Variants in DMD observed in about 807,000 individuals in gnomAD.
DMD encodes dystrophin.
DMD carries 63 observed loss-of-function variants against 330.1 expected under a neutral mutation model. The ratio of observed to expected loss-of-function variants is 0.19; its 90% CI spans 0.16 to 0.24. DMD has a LOEUF of 0.24. Among genes scored for constraint, DMD ranks in the 10% least tolerant of loss-of-function variants. The pLI, the probability that DMD is intolerant of heterozygous loss-of-function variation, is 1.00. For synonymous variants in DMD, 1,223 were observed against 959.8 expected (o/e 1.27, Z -5.07); for missense variants, 3,344 against 2,684.1 (o/e 1.25, Z -5.43).
chrX:32,846,021 T>A (rs1053423258), intron 3 of DMD, among the ~76,000 whole-genome samples: 1 of 111,974 alleles, frequency 8.9e-6, no homozygotes, highest in African/African-American at 3.2e-5. Context: ...ATTGTTCATA[T>A]TGCTCAAACC....
At position 32,213,655 on chromosome X, in the gene DMD, T is replaced by C. The variant is rs1174820141; in HGVS notation, c.6438+3261A>G. Among the ~76,000 whole-genome samples, 4 of 111,984 alleles carry C rather than the reference T, an allele frequency of 3.6e-5. No individual in the cohort carries two copies. In the East Asian group the frequency reaches 8.4e-4, roughly 24 times the overall value. On this transcript the variant is annotated intron_variant, in intron 44 of 78. Coordinates refer to ENST00000357033, the MANE Select transcript of DMD (RefSeq NM_004006.3). ...ATCTCATCTATAGATTGAGAAAAAA[T>C]AGACTAAATAAAATGGTCTTTTTAA...
At chrX:31,685,655 C>T (rs2082644156) in intron 52 of DMD, among the ~76,000 whole-genome samples, 1 of 112,435 alleles carries the variant, frequency 8.9e-6, no homozygotes, top group South Asian at 3.7e-4. Context: ...CGTTGGCACT[C>T]ATCCTTCAAG....
At chrX:32,760,956 T>C (rs2072202729) in intron 7 of DMD, among the ~76,000 whole-genome samples, 1 of 111,408 alleles carries the variant, frequency 9.0e-6, no homozygotes, top group African/African-American at 3.3e-5. Context: ...TGGAATGCTA[T>C]TCTTCCCTAT....
At chrX:31,169,149 T>G (rs2148179102) in intron 74 of DMD, among the ~76,000 whole-genome samples, 1 of 111,316 alleles carries the variant, frequency 9.0e-6, no homozygotes. Context: ...TTAAATTCTA[T>G]TCTGAAATAT....
chrX:31,238,270 T>G lies in DMD; in HGVS notation c.9287-15149A>C, dbSNP rs2047929083. On this transcript the variant is annotated intron_variant, in intron 63 of 78. Transcript: ENST00000357033. ...GCAGACAGGGCTCATTCCCCCTTTC[T>G]CTGCCTCTCTGTTTCTCTCACTTCT... Among the ~76,000 whole-genome samples the G allele has an allele frequency of 2.7e-5, 3 of 111,436 alleles. No homozygotes were observed. The South Asian group carries it at 1.2e-3, about 43-fold the overall frequency.
chrX:31,702,146 C>T (rs1353482216), intron 52 of DMD, among the ~76,000 whole-genome samples: 2 of 111,677 alleles, frequency 1.8e-5, no homozygotes, highest in Non-Finnish European at 3.8e-5. Flanking sequence ...TTTGGCCACT[C>T]CTCACTCTCT....
intron 44 of DMD, among the ~76,000 whole-genome samples, chrX:32,201,669 A>G (rs2097039494): frequency 9.0e-6 from 1 of 111,611 alleles, no homozygotes; most frequent in African/African-American, 3.3e-5. Context: ...AAAATGCTGA[A>G]GGGAACTTTC....
chrX:32,677,035 T>C (rs1351844807), intron 9 of DMD, among the ~76,000 whole-genome samples: 3 of 111,678 alleles, frequency 2.7e-5, no homozygotes, highest in Non-Finnish European at 5.7e-5. Context: ...TTAAATTACA[T>C]GTTTTATTTA....
Position 31,802,157 on chromosome X carries a change from G to T in DMD, c.7309+17818C>A, listed in dbSNP as rs140060036. On this transcript the variant is annotated intron_variant, in intron 50 of 78. Transcript: ENST00000357033. ...AGGGTCACACTATACAAGATCCTGT[G>T]GGATATCATTTCTTTTTTTGAAATT... is the stretch of plus-strand genomic sequence containing the variant. Among the ~76,000 whole-genome samples, 395 of 102,448 alleles carry T rather than the reference G, an allele frequency of 3.9e-3. 1 individual carries two copies. The highest frequency in any genetic ancestry group is 0.013 in the African/African-American group (363 of 28,737). The allele number at this position is 102,448 out of a possible 115,157, so 89.0% of individuals were successfully genotyped here. A position where few individuals can be genotyped will look rare whatever the true frequency, so the allele number is the denominator to read the frequency against.
intron 13 of DMD, among the ~76,000 whole-genome samples, chrX:32,591,588 C>CT (rs2054913769): frequency 8.9e-6 from 1 of 112,489 alleles, no homozygotes; most frequent in South Asian, 3.7e-4. Context: ...ACCAATCTCA[C>CT]TTATGATGGC....
intron 62 of DMD, among the ~76,000 whole-genome samples, chrX:31,310,492 T>C (rs747308124): frequency 2.0e-4 from 22 of 110,282 alleles, no homozygotes; most frequent in Admixed American, 1.8e-3. Context: ...TGTATTTACA[T>C]ATTAACACAG....
chrX:32,742,237 A>C (rs2069377961), intron 7 of DMD, among the ~76,000 whole-genome samples: 1 of 112,049 alleles, frequency 8.9e-6, no homozygotes, highest in Non-Finnish European at 1.9e-5. Flanking sequence ...AATCCAACTA[A>C]TATGTCTTTT....
chrX:32,034,045 T>A (rs6631466), intron 44 of DMD, among the ~76,000 whole-genome samples: 36,742 of 110,521 alleles, frequency 0.33, 4,890 homozygotes, highest in African/African-American at 0.5. Flanking sequence ...TGGGATGCTC[T>A]CCGAAGGCAT....
chrX:32,185,774 A>G (rs1041876417), intron 44 of DMD, among the ~76,000 whole-genome samples: 3 of 110,737 alleles, frequency 2.7e-5, no homozygotes, highest in African/African-American at 9.9e-5. Flanking sequence ...ACATCCAAAA[A>G]GTGTATAGCA....
intron 30 of DMD, among the ~76,000 whole-genome samples, chrX:32,394,926 A>AACAAAC (rs1287598004): frequency 1.3e-4 from 13 of 101,397 alleles, no homozygotes; most frequent in African/African-American, 4.6e-4. Context: ...CAAAAAAAAA[A>AACAAAC]AAAAAAAGAA....
chrX:31,797,376 A>C (rs2091879152), intron 50 of DMD, among the ~76,000 whole-genome samples: 1 of 111,042 alleles, frequency 9.0e-6, no homozygotes, highest in African/African-American at 3.3e-5. Flanking sequence ...AGAGAATTTA[A>C]ATTGAAGAGG....
At position 33,092,608 on chromosome X, in the gene DMD, T is replaced by C. The variant is rs778535752; in HGVS notation, c.32-72408A>G. On this transcript the variant is annotated intron_variant, in intron 1 of 78. Coordinates refer to ENST00000357033, the MANE Select transcript of DMD (RefSeq NM_004006.3). ...CATACGAATCAATTATTTATCTTCT[T>C]AGCCAACACCCTTAATCCAAGCAAC... Among the ~76,000 whole-genome samples the C allele has an allele frequency of 5.4e-5, 6 of 111,405 alleles. No homozygotes were observed. In the South Asian group the frequency reaches 2.3e-3, roughly 42 times the overall value.
chrX:31,660,774 T>C (rs1410292346), intron 53 of DMD, among the ~76,000 whole-genome samples: 1 of 111,730 alleles, frequency 9.0e-6, no homozygotes, highest in Non-Finnish European at 1.9e-5. Flanking sequence ...AAGCCACCCA[T>C]CACTCATAGG....
At chrX:31,236,049 A>G (rs1364389472) in intron 63 of DMD, among the ~76,000 whole-genome samples, 1 of 112,223 alleles carries the variant, frequency 8.9e-6, no homozygotes, top group East Asian at 2.8e-4. Flanking sequence ...AGATATCTGC[A>G]AGAAAGGATT....
Sources: gnomAD v4.1 joint callset for allele counts (sites outside exome capture counted in the v4.1 genomes callset) on GRCh38, gnomAD v4.1.1 for gene constraint, MANE v1.5 for transcripts, NCBI Gene and HGNC (gene_info 2026-07-23, HGNC 2026-07-21) for gene names.